Variants in MFSD12 observed in about 807,000 individuals in gnomAD.
The protein encoded by MFSD12 is major facilitator superfamily domain containing 12.
A neutral mutation model predicts 51.2 loss-of-function variants in MFSD12; 67 were observed. The observed-to-expected ratio is 1.31, with a 90% CI of 1.08 to 1.60. The LOEUF is 1.60. Ranked by LOEUF, MFSD12 falls within the 40% of genes most tolerant of loss-of-function variation. The probability of loss-of-function intolerance (pLI) is 0.00; values close to 1 mark genes in which losing one functional copy is unlikely to be tolerated. For missense variants in MFSD12, 921 were observed against 673.0 expected, an observed-to-expected ratio of 1.37 and a Z score of -4.08; for synonymous variants, 441 against 316.7, an observed-to-expected ratio of 1.39 and a Z score of -4.17.
Position 3,557,477 on chromosome 19 carries a change from T to G in MFSD12, c.-74A>C, listed in dbSNP as rs2031796397. On this transcript the variant is annotated 5_prime_UTR_variant, in exon 1 of 10. Transcript: ENST00000355415. ...CCTGGCCAGGCCTTCTTGGGTGCCG[T>G]GGGGGCAGGCGCCGGGGACCCCCAC... The G allele has an allele frequency of 2.0e-6, 2 of 980,324 alleles. No individual in the cohort carries two copies. Among genetic ancestry groups the G allele is most frequent in the Non-Finnish European group, 2.6e-6 (2 of 781,928 alleles). 60.7% of individuals were successfully genotyped at this position (980,324 alleles called of 1,614,324 possible). A position where few individuals can be genotyped will look rare whatever the true frequency, so the allele number is the denominator to read the frequency against.
chr19:3,547,129 T>C lies in MFSD12; in HGVS notation c.1023+143A>G, dbSNP rs531512650. On this transcript the variant is annotated intron_variant, in intron 6 of 9. Transcript: ENST00000355415. ...CTGGGATTACAGGCGTGAGCCACCG[T>C]GCCCGGCCTAGATCTGGGGCTTCTA... is the stretch of plus-strand genomic sequence containing the variant. 152 of 731,886 alleles carry C rather than the reference T, an allele frequency of 2.1e-4. 2 individuals are homozygous for C. The highest frequency in any genetic ancestry group is 1.0e-3 in the Admixed American group (48 of 46,500). 45.3% of individuals were successfully genotyped at this position (731,886 alleles called of 1,614,324 possible). A position where few individuals can be genotyped will look rare whatever the true frequency, so the allele number is the denominator to read the frequency against.
In MFSD12 at chr19:3,544,487, AGAGTT is replaced by A. The variant is rs1416011543; in HGVS notation, c.*218_*222del. 2.2e-6 allele frequency: 3 copies of A among 1,385,814 alleles called. No individual in the cohort carries two copies. The highest frequency in any genetic ancestry group is 3.6e-5 in the South Asian group (2 of 55,746). The allele number at this position is 1,385,814 out of a possible 1,614,324, so 85.8% of individuals were successfully genotyped here. A position where few individuals can be genotyped will look rare whatever the true frequency, so the allele number is the denominator to read the frequency against. On this transcript the variant is annotated 3_prime_UTR_variant, in exon 10 of 10. Transcript: ENST00000355415. The stretch of plus-strand genomic sequence containing the variant: ...ATCCTCCAGAGGGCTGGGATGGATT[AGAGTT>A]GAGAATGGGACACCCTCAAAACCCA...
At chr19:3,538,600 G>C (rs1396927213) in exon 5 of MFSD12, 2 of 435,594 alleles carry the variant, frequency 4.6e-6, no homozygotes, top group Non-Finnish European at 9.5e-6. Flanking sequence ...CCGCACTGTG[G>C]CCTGGGTCAG....
At chr19:3,543,645 T>C (rs1446174933), downstream of MFSD12, 3 of 1,543,912 alleles carry the variant, frequency 1.9e-6, no homozygotes, top group African/African-American at 1.4e-5. Context: ...GGGAGCGCGC[T>C]GTGGAAAGAC....
chr19:3,539,107 T>C, intron 4 of MFSD12: 2 of 1,035,008 alleles, frequency 1.9e-6, no homozygotes, highest in Non-Finnish European at 2.9e-6. Context: ...GCCGAGACAC[T>C]GGGTGGCCTT....
At chr19:3,550,006 C>A (rs1219606456) in intron 2 of MFSD12, among the ~76,000 whole-genome samples, 1 of 152,168 alleles carries the variant, frequency 6.6e-6, no homozygotes, top group Non-Finnish European at 1.5e-5. Flanking sequence ...GGGCTTAGGG[C>A]TTCCTGGGAT....
At position 3,544,905 on chromosome 19, in the gene MFSD12, A is replaced by G. The variant is rs547988293; in HGVS notation, c.1324T>C (p.Tyr442His). ...GTCACAGCCACCATCGCCCAGTGGT[A>G]AAAGCTCACGCAGGCCCTGCAGCAG... is the stretch of plus-strand genomic sequence containing the variant. ...ELCCRACVSF[Y>H]HWAMVAVTGG... Residue 442 changes from tyrosine to histidine, a missense_variant, in exon 9 of 10, where the codon TAC (tyrosine) becomes CAC (histidine). Coordinates refer to ENST00000355415, the MANE Select transcript of MFSD12 (RefSeq NM_174983.5). 3.1e-6 allele frequency: 5 copies of G among 1,611,382 alleles called. No individual in the cohort carries two copies. The highest frequency in any genetic ancestry group is 1.7e-5 in the Admixed American group (1 of 59,890).
At chr19:3,553,934 T>G (rs950246280) in intron 1 of MFSD12, among the ~76,000 whole-genome samples, 4 of 149,928 alleles carry the variant, frequency 2.7e-5, no homozygotes, top group African/African-American at 9.9e-5. Context: ...ATACAAAAAT[T>G]AGCCGGGCAT....
chr19:3,543,169 A>G (rs928329426), downstream of MFSD12: 42 of 1,520,206 alleles, frequency 2.8e-5, no homozygotes, highest in East Asian at 1.5e-4. Flanking sequence ...CCTGGCAGAC[A>G]TCGCAAAGGG....
At chr19:3,543,001 T>A (rs1392724608), downstream of MFSD12, 5 of 1,597,322 alleles carry the variant, frequency 3.1e-6, no homozygotes, top group Admixed American at 8.4e-5. Flanking sequence ...GGTTTAGTGC[T>A]GACTTGGGTG....
chr19:3,548,066 C>T (rs1568257773), intron 3 of MFSD12, 36 bp from the exon 4 acceptor site: 3 of 1,599,666 alleles, frequency 1.9e-6, no homozygotes, highest in Non-Finnish European at 2.5e-6. Context: ...TGGTGGCGGG[C>T]CCAGCCCCCG....
downstream of MFSD12, chr19:3,544,032 C>A (rs928590787): frequency 6.6e-7 from 1 of 1,516,670 alleles, no homozygotes; most frequent in Non-Finnish European, 8.9e-7. Context: ...CAGGATGCAC[C>A]CACTGTCTCT....
At chr19:3,549,286 C>A (rs2031315202) in intron 2 of MFSD12, among the ~76,000 whole-genome samples, 1 of 152,202 alleles carries the variant, frequency 6.6e-6, no homozygotes, top group South Asian at 2.1e-4. Context: ...ATCCCATCCC[C>A]TCCCCGTGGC....
rs2031796957 is a variant in MFSD12 at position 3,557,486 on chromosome 19, G to A, written c.-83C>T. The A allele has an allele frequency of 1.1e-6, 1 of 900,670 alleles. No homozygotes were observed. The highest frequency in any genetic ancestry group is 1.4e-6 in the Non-Finnish European group (1 of 711,104). 55.8% of individuals were successfully genotyped at this position (900,670 alleles called of 1,614,324 possible). A position where few individuals can be genotyped will look rare whatever the true frequency, so the allele number is the denominator to read the frequency against. ...GCCTTCTTGGGTGCCGTGGGGGCAG[G>A]CGCCGGGGACCCCCACCACGCGCCG... On this transcript the variant is annotated 5_prime_UTR_variant, in exon 1 of 10. Transcript: ENST00000355415.
At chr19:3,542,638 T>C (rs957319048), downstream of MFSD12, 8 of 1,048,158 alleles carry the variant, frequency 7.6e-6, no homozygotes, top group Admixed American at 6.9e-5. Context: ...CCCCACACCA[T>C]GCCTGGCTTA....
downstream of MFSD12, chr19:3,543,988 C>T (rs955140789): frequency 6.5e-6 from 10 of 1,545,648 alleles, no homozygotes; most frequent in African/African-American, 1.1e-4. Flanking sequence ...TCCCCGCCTT[C>T]CCTCACACCC....
downstream of MFSD12, chr19:3,540,124 C>T (rs982741453): frequency 7.7e-6 from 1 of 129,084 alleles, no homozygotes; most frequent in Non-Finnish European, 1.6e-5. Context: ...GAGACAGTCT[C>T]ATACTGTTGC....
At chr19:3,547,222 C>T (rs760280715) in intron 6 of MFSD12, 50 bp downstream of exon 6, 62 of 1,517,472 alleles carry the variant, frequency 4.1e-5, no homozygotes, top group African/African-American at 6.9e-5. Context: ...ATCTCGGCTG[C>T]AGGGCACCCC....
downstream of MFSD12, chr19:3,542,510 G>C (rs1441322604): frequency 2.1e-6 from 2 of 970,368 alleles, no homozygotes; most frequent in Non-Finnish European, 2.4e-6. Context: ...GTCTCACTCT[G>C]TTGCCCAGGC....
Sources: gnomAD v4.1 joint callset for allele counts (sites outside exome capture counted in the v4.1 genomes callset) on GRCh38, gnomAD v4.1.1 for gene constraint, MANE v1.5 for transcripts, NCBI Gene and HGNC (gene_info 2026-07-23, HGNC 2026-07-21) for gene names.